Variants in PTP4A2 observed in about 807,000 individuals in gnomAD.
PTP4A2 encodes the protein protein tyrosine phosphatase type IVA 2.
In PTP4A2, 2 loss-of-function variants were observed where a neutral mutation model predicts 22.9. That is an observed-to-expected ratio of 0.09 (90% CI 0.04 to 0.27). The LOEUF (loss-of-function observed/expected upper bound fraction) is 0.27, where lower values mean the gene tolerates loss of function less well. Ranked by LOEUF, PTP4A2 falls within the 10% of genes least tolerant of loss-of-function variation. PTP4A2 has a pLI of 1.00. For missense variants in PTP4A2, 103 were observed against 205.1 expected, an observed-to-expected ratio of 0.50 and a Z score of 3.04; for synonymous variants, 68 against 69.1, an observed-to-expected ratio of 0.98 and a Z score of 0.08.
rs1651206326 is a variant in PTP4A2, at chr1:31,906,984, T to A, written c.*1868A>T. The stretch of plus-strand genomic sequence containing the variant: ...TTGGATATACCATTATGTTTTAAAG[T>A]CCTAGAAACAATTTCGAAAAGCATT... On this transcript the variant is annotated 3_prime_UTR_variant, in exon 6 of 6. Coordinates refer to ENST00000647444, the MANE Select transcript of PTP4A2 (RefSeq NM_080391.4). 2.0e-5 allele frequency: 3 copies of A among 152,228 alleles called. No individual in the cohort carries two copies. The highest frequency in any genetic ancestry group is 2.0e-4 in the Admixed American group (3 of 15,278). 9.4% of individuals were successfully genotyped at this position (152,228 alleles called of 1,614,324 possible).
intron 2 of PTP4A2, among the ~76,000 whole-genome samples, chr1:31,917,376 T>C (rs1651902314): frequency 1.3e-5 from 2 of 152,172 alleles, no homozygotes. Context: ...AGGACTTCAT[T>C]TTTCACAAAA....
At chr1:31,928,197 A>G (rs1412299224) in intron 1 of PTP4A2, among the ~76,000 whole-genome samples, 3 of 145,190 alleles carry the variant, frequency 2.1e-5, no homozygotes, top group Non-Finnish European at 4.5e-5. Flanking sequence ...TATAACATAT[A>G]TTTATATATT....
At chr1:31,917,902 G>A (rs1651933502) in intron 2 of PTP4A2, among the ~76,000 whole-genome samples, 1 of 147,592 alleles carries the variant, frequency 6.8e-6, no homozygotes, top group African/African-American at 2.5e-5. Context: ...AAACCTGGGA[G>A]GTGCAGGTTG....
intron 1 of PTP4A2, among the ~76,000 whole-genome samples, chr1:31,930,015 C>T (rs1249164565): frequency 6.6e-6 from 1 of 152,224 alleles, no homozygotes; most frequent in Non-Finnish European, 1.5e-5. Flanking sequence ...AAAGCAAAAA[C>T]TTTCCGGCTA....
chr1:31,929,558 CCTT>C (rs1652630273), intron 1 of PTP4A2, among the ~76,000 whole-genome samples: 2 of 152,280 alleles, frequency 1.3e-5, no homozygotes, highest in East Asian at 3.9e-4. Context: ...ACTTTGGTAA[CCTT>C]CTTAAGAATA....
At chr1:31,915,781 C>T (rs1651798987) in intron 3 of PTP4A2, 114 bp downstream of exon 3, 2 of 673,226 alleles carry the variant, frequency 3.0e-6, no homozygotes, top group East Asian at 5.8e-5. Flanking sequence ...TTCAAGTGAT[C>T]TTCCCACAAT....
intron 1 of PTP4A2, among the ~76,000 whole-genome samples, chr1:31,924,382 G>T (rs889498992): frequency 6.6e-6 from 1 of 152,122 alleles, no homozygotes; most frequent in Non-Finnish European, 1.5e-5. Context: ...CCTCCATCAA[G>T]AGTTCAACTA....
intron 1 of PTP4A2, among the ~76,000 whole-genome samples, chr1:31,928,929 A>T (rs1377002875): frequency 6.6e-6 from 1 of 152,180 alleles, no homozygotes; most frequent in Non-Finnish European, 1.5e-5. Flanking sequence ...ATTAGTCAAC[A>T]ATCGCACCTG....
chr1:31,916,052 T>C, intron 2 of PTP4A2, 65 bp from the exon 3 acceptor site: 1 of 1,148,682 alleles, frequency 8.7e-7, no homozygotes, highest in East Asian at 2.6e-5. Context: ...AATGTAGAAA[T>C]GTACTATTAT....
chr1:31,910,282 A>T, intron 4 of PTP4A2, 170 bp from the exon 5 acceptor site: 2 of 536,162 alleles, frequency 3.7e-6, no homozygotes. Flanking sequence ...CATTAATTCT[A>T]TGATTTTTTT....
At chr1:31,926,145 A>AT (rs1462317913) in intron 1 of PTP4A2, among the ~76,000 whole-genome samples, 1,486 of 130,712 alleles carry the variant, frequency 0.011, 42 homozygotes, top group Admixed American at 0.062. Context: ...TAAAAAAAAA[A>AT]AAAAATATAT....
intron 1 of PTP4A2, among the ~76,000 whole-genome samples, chr1:31,936,759 G>A (rs1039559589): frequency 1.3e-5 from 2 of 152,130 alleles, no homozygotes; most frequent in African/African-American, 4.8e-5. Context: ...CTGAAGCCCT[G>A]ATAATGTGTC....
At chr1:31,915,074 G>A (rs1263519742) in intron 3 of PTP4A2, among the ~76,000 whole-genome samples, 1 of 152,152 alleles carries the variant, frequency 6.6e-6, no homozygotes, top group African/African-American at 2.4e-5. Context: ...AAGAATGTCT[G>A]ATGGAAATTA....
chr1:31,914,750 G>A (rs757284022), intron 3 of PTP4A2, among the ~76,000 whole-genome samples: 22 of 152,168 alleles, frequency 1.4e-4, no homozygotes, highest in Non-Finnish European at 1.3e-4. Flanking sequence ...AGGGAAGAAA[G>A]AATAAAATGT....
chr1:31,924,975 G>A (rs532994449), intron 1 of PTP4A2, among the ~76,000 whole-genome samples: 2 of 152,266 alleles, frequency 1.3e-5, no homozygotes, highest in Admixed American at 1.3e-4. Context: ...ACAGCTAAAA[G>A]ACACTAATAA....
At chr1:31,927,312 T>C (rs1305905228) in intron 1 of PTP4A2, among the ~76,000 whole-genome samples, 5 of 151,980 alleles carry the variant, frequency 3.3e-5, no homozygotes, top group East Asian at 3.9e-4. Flanking sequence ...TGAGTACACA[T>C]AGACTCAAAG....
chr1:31,923,117 G>T (rs1321856533), intron 1 of PTP4A2, among the ~76,000 whole-genome samples: 1 of 151,570 alleles, frequency 6.6e-6, no homozygotes, highest in African/African-American at 2.4e-5. Flanking sequence ...TTCACCAAAG[G>T]CCAGGCTGGT....
At chr1:31,909,945 A>T in intron 5 of PTP4A2, 93 bp downstream of exon 5, 1 of 1,167,726 alleles carries the variant, frequency 8.6e-7, no homozygotes, top group Non-Finnish European at 1.2e-6. Flanking sequence ...AAAGCAAATT[A>T]TCCCATACTA....
Position 31,915,795 on chromosome 1 carries a change from G to A in PTP4A2, c.189+100C>T, listed in dbSNP as rs192891183. On this transcript the variant is annotated intron_variant, in intron 3 of 5. Coordinates refer to ENST00000647444, the MANE Select transcript of PTP4A2 (RefSeq NM_080391.4). ...GTTCAAGTGATCTTCCCACAATATTGGGATTATAGGTGTGAGCCAGTGCAC... is the reference window on the plus strand; with the variant it reads ...GTTCAAGTGATCTTCCCACAATATTAGGATTATAGGTGTGAGCCAGTGCAC... 1,909 of 734,538 alleles carry A rather than the reference G, an allele frequency of 2.6e-3. 23 individuals are homozygous for A. Among genetic ancestry groups the A allele is most frequent in the South Asian group, 0.02 (1,048 of 51,484 alleles). 45.5% of individuals were successfully genotyped at this position (734,538 alleles called of 1,614,324 possible). A position where few individuals can be genotyped will look rare whatever the true frequency, so the allele number is the denominator to read the frequency against.
Sources: allele counts gnomAD v4.1 joint callset (sites outside exome capture counted in the v4.1 genomes callset), GRCh38; gene constraint gnomAD v4.1.1; transcripts MANE v1.5; gene names NCBI Gene and HGNC (gene_info 2026-07-23, HGNC 2026-07-21).